The following DNMT3L variants were observed in gnomAD, a reference collection of about 807,000 sequenced individuals.
DNMT3L encodes DNA (cytosine-5)-methyltransferase 3-like.
Under a neutral mutation model 36.2 loss-of-function variants are expected in DNMT3L, and 33 were observed. The observed-to-expected ratio is 0.91, with a 90% CI of 0.69 to 1.22. The LOEUF is 1.22. Among genes scored for constraint, DNMT3L ranks in the 50% most tolerant of loss-of-function variants. The pLI, the probability that DNMT3L is intolerant of heterozygous loss-of-function variation, is 0.00. For missense variants in DNMT3L, 310 were observed against 303.1 expected, an observed-to-expected ratio of 1.02 and a Z score of -0.17; for synonymous variants, 117 against 121.7, an observed-to-expected ratio of 0.96 and a Z score of 0.26.
At chr21:44,254,924 C>G (rs952539112) in intron 7 of DNMT3L, among the ~76,000 whole-genome samples, 4 of 152,336 alleles carry the variant, frequency 2.6e-5, no homozygotes, top group Admixed American at 6.5e-5. Flanking sequence ...CTCCCAGGTT[C>G]AAGCGGTTCC....
At chr21:44,257,490 G>A (rs2040269375) in intron 6 of DNMT3L, among the ~76,000 whole-genome samples, 1 of 151,810 alleles carries the variant, frequency 6.6e-6, no homozygotes, top group Non-Finnish European at 1.5e-5. Context: ...GACCATCCCG[G>A]CTAAAACTGT....
chr21:44,254,302 A>G (rs551908000), intron 8 of DNMT3L, among the ~76,000 whole-genome samples: 2 of 152,322 alleles, frequency 1.3e-5, no homozygotes, highest in East Asian at 3.9e-4. Context: ...AGATTTCAAG[A>G]TGTTGGACAA....
intron 7 of DNMT3L, among the ~76,000 whole-genome samples, chr21:44,255,071 G>A (rs373782704): frequency 4.0e-5 from 6 of 151,816 alleles, no homozygotes; most frequent in Admixed American, 1.3e-4. Flanking sequence ...CAAATGTTCC[G>A]CCCACTTCAG....
chr21:44,260,029 A>T (rs1022968510), intron 3 of DNMT3L, among the ~76,000 whole-genome samples: 1 of 143,904 alleles, frequency 6.9e-6, no homozygotes, highest in African/African-American at 2.7e-5. Context: ...AGCCTGGGGG[A>T]CAGAGTGAGA....
intron 3 of DNMT3L, among the ~76,000 whole-genome samples, chr21:44,260,358 G>C (rs974889640): frequency 1.3e-5 from 2 of 152,186 alleles, no homozygotes; most frequent in East Asian, 3.8e-4. Flanking sequence ...GGTGATGATG[G>C]TTGCTGACTC....
chr21:44,259,410 C>T (rs757719127), intron 5 of DNMT3L, 27 bp downstream of exon 5: 1 of 1,609,322 alleles, frequency 6.2e-7, no homozygotes, highest in Non-Finnish European at 8.5e-7. Flanking sequence ...AGCCCCTTCA[C>T]CCCCCTGGGC....
chr21:44,259,774 G>A, intron 3 of DNMT3L, 63 bp from the exon 4 acceptor site: 1 of 1,518,434 alleles, frequency 6.6e-7, no homozygotes, highest in Non-Finnish European at 9.0e-7. Flanking sequence ...CAGACGATTA[G>A]GAATAAATTT....
At chr21:44,257,694 AAAT>A (rs201687883) in intron 6 of DNMT3L, among the ~76,000 whole-genome samples, 1,331 of 55,196 alleles carry the variant, frequency 0.024, 70 homozygotes, top group African/African-American at 0.13. Flanking sequence ...AAAAAAAAAA[AAAT>A]AAATAAATAA....
intron 6 of DNMT3L, among the ~76,000 whole-genome samples, chr21:44,257,208 T>G (rs1201626651): frequency 6.6e-6 from 1 of 151,966 alleles, no homozygotes; most frequent in Non-Finnish European, 1.5e-5. Flanking sequence ...GGTGAAACCC[T>G]GTCTCTACTA....
intron 6 of DNMT3L, among the ~76,000 whole-genome samples, chr21:44,257,988 T>C (rs536045835): frequency 2.0e-5 from 3 of 152,352 alleles, no homozygotes; most frequent in South Asian, 2.1e-4. Flanking sequence ...GTCGCTGCAT[T>C]GAGGGCCCAC....
At chr21:44,255,260 C>A (rs1299078858) in intron 7 of DNMT3L, among the ~76,000 whole-genome samples, 1 of 152,064 alleles carries the variant, frequency 6.6e-6, no homozygotes, top group Non-Finnish European at 1.5e-5. Flanking sequence ...GACGCTCAAG[C>A]CTGTAATTCC....
At chr21:44,255,505 C>A (rs79407706) in intron 7 of DNMT3L, among the ~76,000 whole-genome samples, 35 of 145,816 alleles carry the variant, frequency 2.4e-4, no homozygotes, top group Non-Finnish European at 2.3e-4. Flanking sequence ...GACTCCGCCT[C>A]AAAAAAAAAA....
In DNMT3L at chr21:44,258,672, C is replaced by G; in HGVS notation, c.367G>C (p.Asp123His). 6.2e-7 allele frequency: 1 copy of G among 1,612,886 alleles called. No individual in the cohort carries two copies. Among genetic ancestry groups the G allele is most frequent in the South Asian group, 1.1e-5 (1 of 91,078 alleles). ...GAGGTCCCGGGGCCGACCAGGCTAT[C>G]CACACACTCGAAGCAGTAGCATCTA... is the stretch of plus-strand genomic sequence containing the variant. ...CTRCYCFECV[D>H]SLVGPGTSGK... The change falls in exon 6 of 12, where the codon GAT becomes CAT. Residue 123 changes from aspartate (D) to histidine (H), a missense_variant. Asp to His is a moderately conservative substitution (Grantham distance 81). Transcript: ENST00000628202. The surrounding 1 kb of genome is among the most constrained non-coding windows in gnomAD (Gnocchi z 6.2).
In DNMT3L at chr21:44,261,212, G is replaced by C; in HGVS notation, c.48C>G (p.Asp16Glu). 6.2e-7 allele frequency: 1 copy of C among 1,612,674 alleles called. No homozygotes were observed. The highest frequency in any genetic ancestry group is 1.1e-5 in the South Asian group (1 of 91,088). ...ALDPEAEPSM[D>E]VILVGSSELS... The stretch of plus-strand genomic sequence containing the variant: ...GCTCACTGGATCCCACCAAAATCAC[G>C]TCCATGCTGGGCTCGGCCTCTGGGT... Residue 16 changes from aspartate to glutamate, a missense_variant, in exon 2 of 12, where the codon GAC becomes GAG. Coordinates refer to ENST00000628202, the MANE Select transcript of DNMT3L (RefSeq NM_175867.3).
intron 2 of DNMT3L, 86 bp from the exon 3 acceptor site, chr21:44,260,925 G>C: frequency 6.3e-7 from 1 of 1,597,924 alleles, no homozygotes; most frequent in Non-Finnish European, 8.6e-7. Context: ...ATCACAATTC[G>C]TTTTCCAAAG....
intron 6 of DNMT3L, among the ~76,000 whole-genome samples, chr21:44,257,209 G>T (rs1323668298): frequency 6.6e-6 from 1 of 152,092 alleles, no homozygotes; most frequent in East Asian, 1.9e-4. Flanking sequence ...GTGAAACCCT[G>T]TCTCTACTAA....
At chr21:44,261,378 GCCACCTGAACCCCCGCGGTGACAC>G (rs1453904509) in intron 1 of DNMT3L, 112 bp from the exon 2 acceptor site, 1 of 1,020,134 alleles carries the variant, frequency 9.8e-7, no homozygotes, top group African/African-American at 1.6e-5. Context: ...ACTAGTTCAG[GCCACCTGAACCCCCGCGGTGACAC>G]CCACCTGCCC....
In DNMT3L at chr21:44,256,109, G is replaced by A. The variant is rs1211104468; in HGVS notation, c.562C>T (p.Gln188Ter). 10 of 1,613,976 alleles carry A rather than the reference G, an allele frequency of 6.2e-6. No homozygotes were observed. Among genetic ancestry groups the A allele is most frequent in the Non-Finnish European group, 7.6e-6 (9 of 1,180,008 alleles). ...MFETVPVWRR[Q>*]PVRVLSLFED... is the part of the protein sequence containing the mutation. Reference sequence around the variant, plus strand: ...AAAAGGGACAGCACCCGGACTGGCTGTCTCCTCCACACAGGCACGGTTTCG... The same window carrying A: ...AAAAGGGACAGCACCCGGACTGGCTATCTCCTCCACACAGGCACGGTTTCG... Residue 188 changes from glutamine to a stop codon, truncating the protein, a stop_gained, in exon 7 of 12, where the codon CAG becomes TAG. Transcript: ENST00000628202. LOFTEE classifies it high-confidence loss of function.
At chr21:44,254,744 G>C (rs777766341) in intron 7 of DNMT3L, 39 bp from the exon 8 acceptor site, 2 of 1,608,354 alleles carry the variant, frequency 1.2e-6, no homozygotes, top group Non-Finnish European at 1.7e-6. Context: ...GAGGGTGAGC[G>C]TGGATTGTGC....
Sources: allele counts gnomAD v4.1 joint callset (sites outside exome capture counted in the v4.1 genomes callset), GRCh38; gene constraint gnomAD v4.1.1; non-coding constraint Gnocchi (gnomAD v3.1); transcripts MANE v1.5; gene names NCBI Gene and HGNC (gene_info 2026-07-23, HGNC 2026-07-21).